Variants in JMJD1C observed in about 807,000 individuals in gnomAD.
JMJD1C encodes jumonji domain-containing protein 1C.
A neutral mutation model predicts 245.3 loss-of-function variants in JMJD1C; 31 were observed. The ratio of observed to expected loss-of-function variants is 0.13; its 90% CI spans 0.09 to 0.17. The LOEUF is 0.17. Among genes scored for constraint, JMJD1C ranks in the 10% least tolerant of loss-of-function variants. The pLI is 1.00. For synonymous variants in JMJD1C, 1,057 were observed against 1,017.4 expected (o/e 1.04, Z -0.74); for missense variants, 2,691 against 3,000.2 (o/e 0.90, Z 2.41).
chr10:63,446,749 G>C (rs1477090074), intron 1 of JMJD1C, among the ~76,000 whole-genome samples: 2 of 152,188 alleles, frequency 1.3e-5, no homozygotes, highest in Non-Finnish European at 2.9e-5. Flanking sequence ...AATGATGCTT[G>C]ATTTTAAAAA....
intron 2 of JMJD1C, among the ~76,000 whole-genome samples, chr10:63,348,547 G>T (rs1944052883): frequency 6.6e-6 from 1 of 152,172 alleles, no homozygotes; most frequent in Non-Finnish European, 1.5e-5. Context: ...CCTATCTCAT[G>T]AGTCAAGTCA....
Position 63,225,861 on chromosome 10 carries a change from G to A in JMJD1C, c.448-5878C>T, listed in dbSNP as rs531374456. Among the ~76,000 whole-genome samples the A allele has an allele frequency of 2.6e-5, 4 of 151,458 alleles. No homozygotes were observed. The East Asian group carries it at 7.8e-4, about 29-fold the overall frequency. Reference sequence around the variant, plus strand: ...GGGTACTTTCCATACAGTATCAATTGTAACAACTTTGTGAGCTGATATACA... The same window carrying A: ...GGGTACTTTCCATACAGTATCAATTATAACAACTTTGTGAGCTGATATACA... On this transcript the variant is annotated intron_variant, in intron 3 of 25. Transcript: ENST00000399262.
At chr10:63,383,252 C>A (rs1331699070) in intron 1 of JMJD1C, among the ~76,000 whole-genome samples, 2 of 151,040 alleles carry the variant, frequency 1.3e-5, no homozygotes, top group African/African-American at 2.4e-5. Context: ...ATTAGAATAT[C>A]CACTAAAGAT....
intron 3 of JMJD1C, chr10:63,222,955 G>A: frequency 6.8e-7 from 1 of 1,480,526 alleles, no homozygotes; most frequent in Non-Finnish European, 9.4e-7. Context: ...TTCAAATATT[G>A]GAGATAATGT....
chr10:63,503,367 TTAA>T (rs1160690505), intron 1 of JMJD1C, among the ~76,000 whole-genome samples: 9 of 152,206 alleles, frequency 5.9e-5, no homozygotes, highest in African/African-American at 2.2e-4. Flanking sequence ...AGACAAATTA[TTAA>T]TAATTAAGCG....
chr10:63,404,400 C>T (rs1234089419), intron 1 of JMJD1C, among the ~76,000 whole-genome samples: 1 of 152,034 alleles, frequency 6.6e-6, no homozygotes, highest in Non-Finnish European at 1.5e-5. Flanking sequence ...GTAGTGGAAC[C>T]ACATGCTAAT....
chr10:63,242,430 G>C (rs1851597808), intron 3 of JMJD1C, among the ~76,000 whole-genome samples: 1 of 152,118 alleles, frequency 6.6e-6, no homozygotes, highest in Non-Finnish European at 1.5e-5. Context: ...TAGGATACAT[G>C]AAAAAAGCAG....
rs564793447 is a variant in JMJD1C, at chr10:63,263,900, C to A, written c.447+751G>T. On this transcript the variant is annotated intron_variant, in intron 3 of 25. Coordinates refer to ENST00000399262, the MANE Select transcript of JMJD1C (RefSeq NM_032776.3). ...TGAACCAAGAACGTGCCACTGCATT[C>A]CAGCCTGGGTGAAAGAGTGAGACTC... is the stretch of plus-strand genomic sequence containing the variant. Among the ~76,000 whole-genome samples, 13 of 147,476 alleles carry A rather than the reference C, an allele frequency of 8.8e-5. No homozygotes were observed. The East Asian group carries it at 2.4e-3, about 27-fold the overall frequency.
At chr10:63,264,841 C>T in intron 2 of JMJD1C, 77 bp from the exon 3 acceptor site, 1 of 682,230 alleles carries the variant, frequency 1.5e-6, no homozygotes, top group African/African-American at 1.8e-5. Context: ...CACACCAATA[C>T]AATGTATCAA....
chr10:63,344,215 T>C (rs1364369008), intron 2 of JMJD1C, among the ~76,000 whole-genome samples: 1 of 152,246 alleles, frequency 6.6e-6, no homozygotes, highest in Non-Finnish European at 1.5e-5. Flanking sequence ...ACCTGTATAG[T>C]ATTTCCTTTA....
At chr10:63,364,393 T>C (rs1461260396) in intron 2 of JMJD1C, among the ~76,000 whole-genome samples, 1 of 152,246 alleles carries the variant, frequency 6.6e-6, no homozygotes, top group Non-Finnish European at 1.5e-5. Flanking sequence ...ACCCACTCCC[T>C]ACATTCTAAA....
At chr10:63,521,751 G>C in exon 1 of JMJD1C, 2 of 372,452 alleles carry the variant, frequency 5.4e-6, no homozygotes, top group Non-Finnish European at 9.5e-6. Context: ...GGTCCACGTC[G>C]CTGCGGAGCT....
intron 2 of JMJD1C, among the ~76,000 whole-genome samples, chr10:63,302,587 C>T (rs779333226): frequency 6.6e-6 from 1 of 152,212 alleles, no homozygotes; most frequent in Non-Finnish European, 1.5e-5. Context: ...ACCTTTACAA[C>T]ATCTTGGAAC....
At chr10:63,498,760 T>C (rs990112789) in intron 1 of JMJD1C, among the ~76,000 whole-genome samples, 1 of 152,158 alleles carries the variant, frequency 6.6e-6, no homozygotes, top group African/African-American at 2.4e-5. Context: ...TTAACAAATG[T>C]TTAAGTATAC....
chr10:63,184,764 T>A, intron 20 of JMJD1C, 26 bp from the exon 21 acceptor site: 1 of 1,586,976 alleles, frequency 6.3e-7, no homozygotes, highest in Non-Finnish European at 8.6e-7. Context: ...ATTGCCTTCT[T>A]ATAAATAAAG....
At chr10:63,336,133 A>G (rs1319938446) in intron 2 of JMJD1C, among the ~76,000 whole-genome samples, 3 of 151,914 alleles carry the variant, frequency 2.0e-5, no homozygotes, top group African/African-American at 7.3e-5. Context: ...AAAAAATAAG[A>G]AAAAAAGAAA....
chr10:63,202,268 T>G, intron 10 of JMJD1C: 1 of 981,366 alleles, frequency 1.0e-6, no homozygotes, highest in Non-Finnish European at 1.2e-6. Context: ...TATATATAAA[T>G]AAAAGCAAGC....
intron 2 of JMJD1C, among the ~76,000 whole-genome samples, chr10:63,342,078 T>C (rs1381617734): frequency 6.6e-6 from 1 of 152,218 alleles, no homozygotes; most frequent in African/African-American, 2.4e-5. Flanking sequence ...TTCTTACATA[T>C]GCAAAACAAA....
At chr10:63,242,093 A>C (rs1032253798) in intron 3 of JMJD1C, among the ~76,000 whole-genome samples, 1 of 152,226 alleles carries the variant, frequency 6.6e-6, no homozygotes, top group African/African-American at 2.4e-5. Flanking sequence ...TGGAATAATT[A>C]CTTTAGGAAA....
Sources: gnomAD v4.1 joint callset for allele counts (sites outside exome capture counted in the v4.1 genomes callset) on GRCh38, gnomAD v4.1.1 for gene constraint, MANE v1.5 for transcripts, NCBI Gene and HGNC (gene_info 2026-07-23, HGNC 2026-07-21) for gene names.